Variants in DLGAP2 observed in about 807,000 individuals in gnomAD.
DLGAP2 encodes the protein DLG associated protein 2.
Under a neutral mutation model 100.3 loss-of-function variants are expected in DLGAP2, and 26 were observed. That is an observed-to-expected ratio of 0.26 (90% confidence interval 0.19 to 0.36). The LOEUF (loss-of-function observed/expected upper bound fraction) is 0.36, where lower values mean the gene tolerates loss of function less well. DLGAP2 is among the 10% of genes least tolerant of loss of function. The pLI, the probability that DLGAP2 is intolerant of heterozygous loss-of-function variation, is 1.00. For missense variants in DLGAP2, 1,858 were observed against 1,453.2 expected (o/e 1.28, Z -4.53); for synonymous variants, 886 against 630.1 (o/e 1.41, Z -6.08).
chr8:1,578,275 A>G (rs1803076192), intron 6 of DLGAP2, among the ~76,000 whole-genome samples: 1 of 152,186 alleles, frequency 6.6e-6, no homozygotes, highest in African/African-American at 2.4e-5. Context: ...TCACCTGAAC[A>G]ATAGTTAAGA....
chr8:913,936 G>A (rs1193631301), intron 2 of DLGAP2, among the ~76,000 whole-genome samples: 1 of 152,120 alleles, frequency 6.6e-6, no homozygotes, highest in Non-Finnish European at 1.5e-5. Context: ...AGACATGCAG[G>A]CACCTCAGAC....
rs775360722 is a variant in DLGAP2 at position 1,174,302 on chromosome 8, G to A, written c.74-84549G>A. Among the ~76,000 whole-genome samples the A allele has an allele frequency of 1.0e-3, 146 of 144,466 alleles. 1 individual carries two copies. Among genetic ancestry groups the A allele is most frequent in the African/African-American group, 3.2e-3 (125 of 38,940 alleles). 94.8% of individuals were successfully genotyped at this position (144,466 alleles called of 152,430 possible). A position where few individuals can be genotyped will look rare whatever the true frequency, so the allele number is the denominator to read the frequency against. ...CATCATCACCACCATCATCACCACCGTCATTACCATTACCAAAATCATTAT... is the reference window on the plus strand; with the variant it reads ...CATCATCACCACCATCATCACCACCATCATTACCATTACCAAAATCATTAT... On this transcript the variant is annotated intron_variant, in intron 2 of 14. Coordinates refer to ENST00000637795, the MANE Select transcript of DLGAP2 (RefSeq NM_001346810.2).
chr8:1,211,891 T>TA (rs1217057061), intron 2 of DLGAP2, among the ~76,000 whole-genome samples: 4 of 152,134 alleles, frequency 2.6e-5, no homozygotes, highest in South Asian at 4.2e-4. Flanking sequence ...TAAAATAAAA[T>TA]AAAAAAATAA....
intron 6 of DLGAP2, among the ~76,000 whole-genome samples, chr8:1,580,259 G>A (rs1435566592): frequency 2.6e-5 from 4 of 152,156 alleles, no homozygotes; most frequent in Non-Finnish European, 4.4e-5. Flanking sequence ...TGGCTAAATG[G>A]GAAGCAGTGG....
intron 3 of DLGAP2, among the ~76,000 whole-genome samples, chr8:1,362,469 T>G (rs1802004431): frequency 1.3e-5 from 2 of 151,996 alleles, no homozygotes; most frequent in Admixed American, 1.3e-4. Flanking sequence ...ATGTGCAGCC[T>G]CCGGCGGGGA....
intron 1 of DLGAP2, among the ~76,000 whole-genome samples, chr8:883,832 T>A (rs186218774): frequency 6.6e-6 from 1 of 152,290 alleles, no homozygotes; most frequent in African/African-American, 2.4e-5. Context: ...GTTGTTCCCC[T>A]CTCTGTGTCA....
chr8:1,265,548 A>G (rs1258436686), intron 3 of DLGAP2, among the ~76,000 whole-genome samples: 1 of 152,240 alleles, frequency 6.6e-6, no homozygotes, highest in Non-Finnish European at 1.5e-5. Flanking sequence ...TAGTCAAAGA[A>G]GTAAAGGCCA....
chr8:1,524,946 C>G (rs1015444307), intron 4 of DLGAP2, among the ~76,000 whole-genome samples: 2 of 152,124 alleles, frequency 1.3e-5, no homozygotes, highest in African/African-American at 4.8e-5. Context: ...TGGTATTTTT[C>G]TTCTTGACTT....
chr8:1,605,139 C>T lies in DLGAP2; in HGVS notation c.1443-21601C>T, dbSNP rs796311777. Among the ~76,000 whole-genome samples the T allele has an allele frequency of 2.2e-4, 33 of 152,234 alleles. 1 individual carries two copies. The highest frequency in any genetic ancestry group is 7.9e-4 in the African/African-American group (33 of 41,542). On this transcript the variant is annotated intron_variant, in intron 6 of 14. Coordinates refer to ENST00000637795, the MANE Select transcript of DLGAP2 (RefSeq NM_001346810.2). ...CCAGGCACCATCATTGCTTCCACTGCCGAAAGAGGAAACAGTGGGTGAGCA... is the reference window on the plus strand; with the variant it reads ...CCAGGCACCATCATTGCTTCCACTGTCGAAAGAGGAAACAGTGGGTGAGCA...
intron 2 of DLGAP2, among the ~76,000 whole-genome samples, chr8:908,864 T>G (rs1035645064): frequency 6.6e-6 from 1 of 152,218 alleles, no homozygotes; most frequent in Non-Finnish European, 1.5e-5. Flanking sequence ...TGACATTTTC[T>G]TACTTGTTTT....
intron 2 of DLGAP2, among the ~76,000 whole-genome samples, chr8:1,232,012 C>G (rs145226631): frequency 2.8e-4 from 42 of 152,216 alleles, no homozygotes; most frequent in African/African-American, 9.1e-4. Flanking sequence ...ATGCCAGTAG[C>G]CAAAAGAAAA....
At chr8:1,095,073 AGGGTGG>A (rs1804322863) in intron 2 of DLGAP2, among the ~76,000 whole-genome samples, 1 of 141,142 alleles carries the variant, frequency 7.1e-6, no homozygotes, top group South Asian at 2.4e-4. Flanking sequence ...CCACCTTCCC[AGGGTGG>A]AGTGAGACAG....
chr8:962,632 C>T (rs973539021), intron 2 of DLGAP2, among the ~76,000 whole-genome samples: 25 of 152,102 alleles, frequency 1.6e-4, no homozygotes, highest in African/African-American at 5.8e-4. Context: ...GGGAAACCAA[C>T]CCTGTGACAA....
At chr8:1,090,472 C>T (rs559534568) in intron 2 of DLGAP2, among the ~76,000 whole-genome samples, 28 of 152,362 alleles carry the variant, frequency 1.8e-4, no homozygotes, top group Admixed American at 1.5e-3. Context: ...CGACAGGGTT[C>T]GCCTGTGCCA....
intron 2 of DLGAP2, among the ~76,000 whole-genome samples, chr8:1,139,244 G>T (rs1445342302): frequency 6.6e-6 from 1 of 152,216 alleles, no homozygotes; most frequent in Non-Finnish European, 1.5e-5. Flanking sequence ...GCCCCTCGTT[G>T]CCCCTGTGTT....
intron 2 of DLGAP2, among the ~76,000 whole-genome samples, chr8:1,205,042 G>C (rs533398358): frequency 6.6e-6 from 1 of 152,148 alleles, no homozygotes; most frequent in Admixed American, 6.5e-5. Flanking sequence ...CATTAGGGCT[G>C]GTCTCTGCAT....
At chr8:799,998 T>C (rs12675507) in intron 1 of DLGAP2, among the ~76,000 whole-genome samples, 34,761 of 152,182 alleles carry the variant, frequency 0.23, 4,854 homozygotes, top group Admixed American at 0.42. Context: ...GCCGCAGTGA[T>C]GGCCAGACAG....
chr8:1,227,153 G>GATAGATAGATATATATATATATATAT (rs796173465), intron 2 of DLGAP2, among the ~76,000 whole-genome samples: 42 of 89,706 alleles, frequency 4.7e-4, no homozygotes, highest in Non-Finnish European at 7.7e-4. Context: ...GAAACTGTGA[G>GATAGATAGATATATATATATATATAT]ATATATATAT....
At chr8:871,786 A>G (rs962241740) in intron 1 of DLGAP2, among the ~76,000 whole-genome samples, 1 of 152,334 alleles carries the variant, frequency 6.6e-6, no homozygotes, top group African/African-American at 2.4e-5. Flanking sequence ...TTACAGATCA[A>G]TGGGAGAAAC....
Sources: gnomAD v4.1 joint callset for allele counts (sites outside exome capture counted in the v4.1 genomes callset) on GRCh38, gnomAD v4.1.1 for gene constraint, MANE v1.5 for transcripts, NCBI Gene and HGNC (gene_info 2026-07-23, HGNC 2026-07-21) for gene names.